Variants in CSMD3 observed in about 807,000 individuals in gnomAD.
CSMD3 encodes the protein CUB and sushi domain-containing protein 3.
A neutral mutation model predicts 435.2 loss-of-function variants in CSMD3; 177 were observed. That is an observed-to-expected ratio of 0.41 (90% CI 0.36 to 0.46). The LOEUF (loss-of-function observed/expected upper bound fraction) is 0.46. CSMD3 is among the 20% of genes least tolerant of loss of function. CSMD3 has a pLI of 0.34. For synonymous variants in CSMD3, 1,656 were observed against 1,520.5 expected (o/e 1.09, Z -2.07); for missense variants, 4,265 against 4,504.6 (o/e 0.95, Z 1.52).
intron 1 of CSMD3, among the ~76,000 whole-genome samples, chr8:113,374,687 G>C (rs1164768040): frequency 1.3e-5 from 2 of 151,954 alleles, no homozygotes; most frequent in East Asian, 3.9e-4. Flanking sequence ...GAGGAATTGA[G>C]GGCATTTGAA....
At chr8:112,274,418 G>A (rs1280745646) in intron 59 of CSMD3, among the ~76,000 whole-genome samples, 1 of 152,092 alleles carries the variant, frequency 6.6e-6, no homozygotes, top group African/African-American at 2.4e-5. Context: ...TGAGAAGATG[G>A]ATCTGAGAGT....
chr8:112,961,174 A>G (rs969991550), intron 7 of CSMD3, among the ~76,000 whole-genome samples: 2 of 151,808 alleles, frequency 1.3e-5, no homozygotes, highest in African/African-American at 2.4e-5. Context: ...AGGTCTAGTT[A>G]GTCTCAGAAG....
intron 24 of CSMD3, among the ~76,000 whole-genome samples, chr8:112,566,795 A>G (rs1179405732): frequency 3.3e-5 from 5 of 151,926 alleles, no homozygotes; most frequent in Admixed American, 3.3e-4. Flanking sequence ...CAAAGACCCC[A>G]TTTGCAAAAT....
At chr8:113,075,805 T>A (rs7002424) in intron 5 of CSMD3, among the ~76,000 whole-genome samples, 101,476 of 151,224 alleles carry the variant, frequency 0.67, 35,613 homozygotes, top group East Asian at 0.94. Flanking sequence ...TGAAAAAAAA[T>A]TTGTAAAGTA....
intron 1 of CSMD3, among the ~76,000 whole-genome samples, chr8:113,404,087 T>G (rs191881732): frequency 1.3e-5 from 2 of 151,598 alleles, no homozygotes; most frequent in East Asian, 3.9e-4. Flanking sequence ...ACAGCGAATC[T>G]GGCATATAGC....
At chr8:113,066,331 G>C (rs1253822174) in intron 5 of CSMD3, among the ~76,000 whole-genome samples, 1 of 151,932 alleles carries the variant, frequency 6.6e-6, no homozygotes, top group Non-Finnish European at 1.5e-5. Context: ...GGCTTCATCT[G>C]TAGTTTGTTA....
intron 3 of CSMD3, among the ~76,000 whole-genome samples, chr8:113,269,399 G>A (rs540943132): frequency 6.6e-6 from 1 of 152,192 alleles, no homozygotes; most frequent in East Asian, 1.9e-4. Context: ...GTAATTTATA[G>A]ATTCAGCGCC....
chr8:113,111,587 C>T (rs58882853), intron 4 of CSMD3, among the ~76,000 whole-genome samples: 10 of 152,096 alleles, frequency 6.6e-5, no homozygotes, highest in African/African-American at 1.9e-4. Context: ...GCAAGTTTAT[C>T]GCATGTGTCG....
intron 2 of CSMD3, among the ~76,000 whole-genome samples, chr8:113,290,106 G>A (rs1216928845): frequency 6.6e-6 from 1 of 151,534 alleles, no homozygotes; most frequent in Non-Finnish European, 1.5e-5. Flanking sequence ...TATGTTCCAT[G>A]GTAAGGATGA....
Position 112,640,346 on chromosome 8 carries a change from A to G in CSMD3, c.3311-1435T>C, listed in dbSNP as rs2074789011. On this transcript the variant is annotated intron_variant, in intron 20 of 70. Transcript: ENST00000297405. ...GTATTTGCTAAGAAAATTCCAAAAT[A>G]TCAGAGTATGACAAGTAACATTTTT... Among the ~76,000 whole-genome samples, 3 of 152,102 alleles carry G rather than the reference A, an allele frequency of 2.0e-5. No homozygotes were observed. The South Asian group carries it at 6.2e-4, about 31-fold the overall frequency.
chr8:112,625,477 G>C (rs181530018), intron 22 of CSMD3, among the ~76,000 whole-genome samples: 1 of 151,930 alleles, frequency 6.6e-6, no homozygotes, highest in African/African-American at 2.4e-5. Flanking sequence ...GATATGAAAA[G>C]GTTAATATTT....
intron 1 of CSMD3, among the ~76,000 whole-genome samples, chr8:113,415,502 A>G (rs556637990): frequency 6.6e-6 from 1 of 152,280 alleles, no homozygotes; most frequent in Non-Finnish European, 1.5e-5. Context: ...GACTATGAAC[A>G]GAGTGTTTAA....
intron 7 of CSMD3, among the ~76,000 whole-genome samples, chr8:112,961,977 C>T (rs2084248572): frequency 6.6e-6 from 1 of 151,916 alleles, no homozygotes; most frequent in Admixed American, 6.6e-5. Flanking sequence ...TAATAAAAGT[C>T]ACCATATGGG....
At chr8:112,806,797 C>G (rs185017534) in intron 12 of CSMD3, among the ~76,000 whole-genome samples, 1 of 152,186 alleles carries the variant, frequency 6.6e-6, no homozygotes, top group African/African-American at 2.4e-5. Flanking sequence ...CACTACTTCA[C>G]TGATAACATA....
intron 12 of CSMD3, among the ~76,000 whole-genome samples, chr8:112,809,413 GACAAT>G (rs1441051862): frequency 6.6e-6 from 1 of 152,122 alleles, no homozygotes. Context: ...AGAAGAATTT[GACAAT>G]AGTTCCTACA....
At chr8:112,660,176 G>T (rs1028403644) in intron 17 of CSMD3, among the ~76,000 whole-genome samples, 4 of 151,990 alleles carry the variant, frequency 2.6e-5, no homozygotes, top group African/African-American at 9.7e-5. Context: ...AATCAAAAGA[G>T]AATTAGATAT....
At chr8:113,375,825 G>A (rs2094378855) in intron 1 of CSMD3, among the ~76,000 whole-genome samples, 1 of 152,058 alleles carries the variant, frequency 6.6e-6, no homozygotes. Flanking sequence ...GAGCAAGCCA[G>A]GATAATTTGG....
At chr8:112,577,171 G>T (rs1275215674) in intron 23 of CSMD3, among the ~76,000 whole-genome samples, 1 of 151,956 alleles carries the variant, frequency 6.6e-6, no homozygotes, top group Non-Finnish European at 1.5e-5. Flanking sequence ...CCCTTAAAAA[G>T]AGAAGATTTT....
chr8:112,453,121 C>G (rs746220039), intron 32 of CSMD3, among the ~76,000 whole-genome samples: 8 of 152,114 alleles, frequency 5.3e-5, no homozygotes, highest in Non-Finnish European at 8.8e-5. Flanking sequence ...ATCAAAGTTA[C>G]CAGTAAGTAA....
Sources: gnomAD v4.1 joint callset for allele counts (sites outside exome capture counted in the v4.1 genomes callset) on GRCh38, gnomAD v4.1.1 for gene constraint, MANE v1.5 for transcripts, NCBI Gene and HGNC (gene_info 2026-07-23, HGNC 2026-07-21) for gene names.